The following PAH variants were observed in gnomAD, a reference collection of about 807,000 sequenced individuals.
The protein encoded by PAH is phenylalanine-4-hydroxylase.
Under a neutral mutation model 62.0 loss-of-function variants are expected in PAH, and 64 were observed. The ratio of observed to expected loss-of-function variants is 1.03; its 90% CI spans 0.84 to 1.27. The LOEUF is 1.27. Ranked by LOEUF, PAH falls within the 50% of genes most tolerant of loss-of-function variation. PAH has a pLI of 0.00. For missense variants in PAH, 579 were observed against 542.8 expected (o/e 1.07, Z -0.66); for synonymous variants, 195 against 196.2 (o/e 0.99, Z 0.05).
intron 4 of PAH, among the ~76,000 whole-genome samples, chr12:102,875,111 A>T (rs1485047769): frequency 6.6e-6 from 1 of 152,208 alleles, no homozygotes; most frequent in Admixed American, 6.5e-5. Flanking sequence ...CGTCCCTGGG[A>T]TCTGATGAGA....
At chr12:102,940,758 T>C (rs1879258660) in intron 1 of PAH, among the ~76,000 whole-genome samples, 1 of 152,204 alleles carries the variant, frequency 6.6e-6, no homozygotes, top group Non-Finnish European at 1.5e-5. Context: ...TTTGAAAATA[T>C]CGTCCACAAA....
At chr12:102,843,929 A>G in intron 10 of PAH, 150 bp from the exon 11 acceptor site, 1 of 843,860 alleles carries the variant, frequency 1.2e-6, no homozygotes, top group Non-Finnish European at 2.0e-6. Flanking sequence ...ATTACTTTGC[A>G]CATACTAGGT....
intron 5 of PAH, among the ~76,000 whole-genome samples, chr12:102,861,039 G>A (rs1258177415): frequency 6.6e-6 from 1 of 152,182 alleles, no homozygotes; most frequent in Non-Finnish European, 1.5e-5. Flanking sequence ...CCATCAGAGT[G>A]AACAGGCAAC....
rs78731513 is a variant in PAH, at chr12:102,850,062, G to A, written c.912+1625C>T. ...CTCTGACTTCGTAAACTAACTTCTG[G>A]TGGTAAGAATAAAAGGTTCCTATTC... On this transcript the variant is annotated intron_variant, in intron 8 of 12. Coordinates refer to ENST00000553106, the MANE Select transcript of PAH (RefSeq NM_000277.3). Among the ~76,000 whole-genome samples, 1,497 of 152,316 alleles carry A rather than the reference G, an allele frequency of 9.8e-3. 16 individuals carry two copies. Among genetic ancestry groups the A allele is most frequent in the African/African-American group, 0.033 (1,378 of 41,560 alleles).
intron 1 of PAH, among the ~76,000 whole-genome samples, chr12:102,956,978 G>A (rs919681007): frequency 2.0e-5 from 3 of 152,200 alleles, no homozygotes; most frequent in African/African-American, 7.2e-5. Flanking sequence ...GAGCCACAGA[G>A]CATTGAGAGG....
At chr12:102,889,966 A>C (rs1310890340) in intron 3 of PAH, among the ~76,000 whole-genome samples, 1 of 152,236 alleles carries the variant, frequency 6.6e-6, no homozygotes, top group East Asian at 1.9e-4. Flanking sequence ...TAGCAGGAGA[A>C]TAGACCTCAA....
intron 1 of PAH, among the ~76,000 whole-genome samples, chr12:102,926,387 C>T (rs2221095): frequency 0.032 from 4,780 of 151,682 alleles, 264 homozygotes; most frequent in African/African-American, 0.11. Flanking sequence ...TGGGACTTTT[C>T]TGAGGAGCAT....
At chr12:102,854,900 G>A (rs375340839) in intron 6 of PAH, 21 of 588,050 alleles carry the variant, frequency 3.6e-5, no homozygotes, top group South Asian at 3.2e-4. Flanking sequence ...ACAGGTACAC[G>A]GCAAAATCCA....
intron 6 of PAH, among the ~76,000 whole-genome samples, chr12:102,854,276 G>A (rs1271755883): frequency 6.6e-6 from 1 of 152,116 alleles, no homozygotes; most frequent in Non-Finnish European, 1.5e-5. Flanking sequence ...CCCCACAGTG[G>A]CCCATCTCTG....
chr12:102,837,007 T>A lies in PAH; in HGVS notation c.*2168A>T, dbSNP rs1296736306. Reference sequence around the variant, plus strand: ...CTTTCAGAAACTTATTAAACATCAATGCCACATGCTTAGAATTTTTTATGT... The same window carrying A: ...CTTTCAGAAACTTATTAAACATCAAAGCCACATGCTTAGAATTTTTTATGT... On this transcript the variant is annotated 3_prime_UTR_variant, in exon 13 of 13. Coordinates refer to ENST00000553106, the MANE Select transcript of PAH (RefSeq NM_000277.3). 3 of 152,228 alleles carry A rather than the reference T, an allele frequency of 2.0e-5. No individual in the cohort carries two copies. The highest frequency in any genetic ancestry group is 7.2e-5 in the African/African-American group (3 of 41,458). 9.4% of individuals were successfully genotyped at this position (152,228 alleles called of 1,614,324 possible).
intron 2 of PAH, among the ~76,000 whole-genome samples, chr12:102,906,182 A>G (rs1877969187): frequency 6.6e-6 from 1 of 152,212 alleles, no homozygotes; most frequent in African/African-American, 2.4e-5. Context: ...CACTCATTAT[A>G]TTGTTCAAGA....
rs529731453 is a variant in PAH, at chr12:102,840,843, G to A, written c.1200-328C>T. Among the ~76,000 whole-genome samples the A allele has an allele frequency of 3.3e-5, 5 of 152,206 alleles. No individual in the cohort carries two copies. In the South Asian group the frequency reaches 1.0e-3, roughly 32 times the overall value. ...TATCATTAAATAAAATCAAGAGTAAGTAAAATCTAGCTAAAGAATGCTATA... is the reference window on the plus strand; with the variant it reads ...TATCATTAAATAAAATCAAGAGTAAATAAAATCTAGCTAAAGAATGCTATA... On this transcript the variant is annotated intron_variant, in intron 11 of 12. Coordinates refer to ENST00000553106, the MANE Select transcript of PAH (RefSeq NM_000277.3).
chr12:102,958,371 G>T (rs1046623355), upstream of PAH: 1 of 1,444,374 alleles, frequency 6.9e-7, no homozygotes. Context: ...GGCCGCAGCC[G>T]CCGCAGCGGC....
intron 2 of PAH, among the ~76,000 whole-genome samples, chr12:102,908,070 TAC>T (rs1265977464): frequency 6.6e-6 from 1 of 152,024 alleles, no homozygotes; most frequent in Admixed American, 6.5e-5. Context: ...AATCACCCAA[TAC>T]AGTGACCTCT....
intron 3 of PAH, among the ~76,000 whole-genome samples, chr12:102,893,012 T>C (rs1038436403): frequency 2.6e-5 from 4 of 152,224 alleles, no homozygotes; most frequent in Non-Finnish European, 5.9e-5. Context: ...AAATGCAAGA[T>C]GTTAATAGAA....
At chr12:102,940,321 G>T (rs2136761075) in intron 1 of PAH, among the ~76,000 whole-genome samples, 1 of 152,308 alleles carries the variant, frequency 6.6e-6, no homozygotes, top group Admixed American at 6.5e-5. Flanking sequence ...GCTTCTTAAG[G>T]AGAATGAAAT....
At chr12:102,841,190 A>G (rs1369881546) in intron 11 of PAH, among the ~76,000 whole-genome samples, 1 of 152,166 alleles carries the variant, frequency 6.6e-6, no homozygotes, top group East Asian at 1.9e-4. Flanking sequence ...GCAGTCTGAC[A>G]CTGGCCTGGA....
At chr12:102,843,040 C>T (rs1412650303) in intron 11 of PAH, among the ~76,000 whole-genome samples, 1 of 152,198 alleles carries the variant, frequency 6.6e-6, no homozygotes, top group African/African-American at 2.4e-5. Context: ...TGCTGAACTG[C>T]CTCTGGGATT....
chr12:102,864,765 T>C (rs745308582), intron 5 of PAH, among the ~76,000 whole-genome samples: 73 of 130,200 alleles, frequency 5.6e-4, no homozygotes, highest in Admixed American at 8.8e-4. Context: ...GGGTCACAAA[T>C]ACACTTAAGC....
Sources: gnomAD v4.1 joint callset for allele counts (sites outside exome capture counted in the v4.1 genomes callset) on GRCh38, gnomAD v4.1.1 for gene constraint, MANE v1.5 for transcripts, NCBI Gene and HGNC (gene_info 2026-07-23, HGNC 2026-07-21) for gene names.